TAOK1: variants seen among roughly 807,000 people sequenced by gnomAD.
The protein encoded by TAOK1 is TAO kinase 1, also known as serine/threonine-protein kinase TAO1.
A neutral mutation model predicts 138.3 loss-of-function variants in TAOK1; 21 were observed. The ratio of observed to expected loss-of-function variants is 0.15; its 90% CI spans 0.11 to 0.22. The LOEUF is 0.22. TAOK1 is among the 10% of genes least tolerant of loss of function. The pLI, the probability that TAOK1 is intolerant of heterozygous loss-of-function variation, is 1.00. For missense variants in TAOK1, 651 were observed against 1,227.7 expected (o/e 0.53, Z 7.02); for synonymous variants, 361 against 398.4 (o/e 0.91, Z 1.12).
chr17:29,485,365 A>G (rs2031149431), intron 8 of TAOK1, among the ~76,000 whole-genome samples: 2 of 152,234 alleles, frequency 1.3e-5, no homozygotes, highest in South Asian at 2.1e-4. Flanking sequence ...AGCTGGATAC[A>G]GTGGCTTACA....
chr17:29,495,535 A>T, intron 10 of TAOK1, 25 bp from the exon 11 acceptor site: 1 of 1,521,588 alleles, frequency 6.6e-7, no homozygotes, highest in Non-Finnish European at 8.8e-7. Flanking sequence ...AAAAAAATCA[A>T]CCTTTTACCT....
At chr17:29,477,378 T>C (rs1255559740) in intron 4 of TAOK1, among the ~76,000 whole-genome samples, 1 of 151,890 alleles carries the variant, frequency 6.6e-6, no homozygotes, top group African/African-American at 2.4e-5. Context: ...ATACACAGCT[T>C]ATAGAAGTGA....
chr17:29,443,041 G>T (rs1387136906), intron 1 of TAOK1, among the ~76,000 whole-genome samples: 1 of 152,126 alleles, frequency 6.6e-6, no homozygotes, highest in African/African-American at 2.4e-5. Flanking sequence ...GGATATAGTA[G>T]ATAGTATAAT....
At chr17:29,434,460 G>A (rs1905961656) in intron 1 of TAOK1, among the ~76,000 whole-genome samples, 1 of 152,100 alleles carries the variant, frequency 6.6e-6, no homozygotes, top group South Asian at 2.1e-4. Flanking sequence ...TATTTTCCTA[G>A]CATATACTCA....
intron 2 of TAOK1, among the ~76,000 whole-genome samples, chr17:29,456,077 G>A (rs1289875924): frequency 6.6e-6 from 1 of 150,424 alleles, no homozygotes. Context: ...GCCGGGCGCG[G>A]TGGCTCATGC....
At chr17:29,447,312 T>G (rs1267845850) in intron 1 of TAOK1, among the ~76,000 whole-genome samples, 1 of 152,250 alleles carries the variant, frequency 6.6e-6, no homozygotes, top group East Asian at 1.9e-4. Context: ...TTAACTCTTA[T>G]GTAAGTTTCA....
At chr17:29,502,564 T>A in intron 12 of TAOK1, 25 bp from the exon 13 acceptor site, 1 of 1,594,212 alleles carries the variant, frequency 6.3e-7, no homozygotes, top group Non-Finnish European at 8.5e-7. Context: ...CCTTACATAA[T>A]ATTGTCTTTT....
intron 1 of TAOK1, among the ~76,000 whole-genome samples, chr17:29,414,503 G>A (rs572156567): frequency 1.3e-5 from 2 of 152,130 alleles, no homozygotes; most frequent in East Asian, 3.9e-4. Context: ...ACCCGCCTTG[G>A]CCTCCCAAAG....
At chr17:29,424,525 A>G (rs1211427375) in intron 1 of TAOK1, among the ~76,000 whole-genome samples, 4 of 151,752 alleles carry the variant, frequency 2.6e-5, no homozygotes, top group Admixed American at 2.6e-4. Flanking sequence ...AAATAGGAAG[A>G]CTCATCCACT....
At chr17:29,455,326 C>T (rs2030347772) in intron 2 of TAOK1, among the ~76,000 whole-genome samples, 1 of 150,666 alleles carries the variant, frequency 6.6e-6, no homozygotes, top group Non-Finnish European at 1.5e-5. Context: ...GTATCTTCAT[C>T]TTGTACCCTA....
intron 1 of TAOK1, among the ~76,000 whole-genome samples, chr17:29,427,527 CAAA>C (rs1255682171): frequency 1.2e-4 from 8 of 64,162 alleles, no homozygotes; most frequent in Admixed American, 3.3e-4. Context: ...AACTCCGTCT[CAAA>C]AAAAAAAAAA....
At chr17:29,540,204 TA>T (rs1474057895) in intron 19 of TAOK1, among the ~76,000 whole-genome samples, 5 of 152,222 alleles carry the variant, frequency 3.3e-5, no homozygotes, top group African/African-American at 1.2e-4. Flanking sequence ...AGGCATTTTT[TA>T]TGAAGGTTGA....
chr17:29,452,614 T>TA (rs2030267357), intron 2 of TAOK1, among the ~76,000 whole-genome samples: 1 of 152,222 alleles, frequency 6.6e-6, no homozygotes, highest in Non-Finnish European at 1.5e-5. Context: ...AGAAACTCTA[T>TA]ATCCACTGAC....
chr17:29,479,430 T>C (rs907403657), intron 6 of TAOK1, among the ~76,000 whole-genome samples: 1 of 151,836 alleles, frequency 6.6e-6, no homozygotes, highest in Non-Finnish European at 1.5e-5. Flanking sequence ...AGCTAGTAAA[T>C]AAGTGAGTTT....
chr17:29,520,855 C>G (rs1450091617), intron 16 of TAOK1, among the ~76,000 whole-genome samples: 1 of 151,696 alleles, frequency 6.6e-6, no homozygotes, highest in Non-Finnish European at 1.5e-5. Context: ...GAAAACCCAT[C>G]TATACTAAAG....
At chr17:29,501,221 TAA>T (rs66503222) in intron 12 of TAOK1, among the ~76,000 whole-genome samples, 27,683 of 120,298 alleles carry the variant, frequency 0.23, 3,218 homozygotes, top group Non-Finnish European at 0.28. Context: ...CCCATCTGTT[TAA>T]AAAAAAAAAA....
intron 2 of TAOK1, among the ~76,000 whole-genome samples, chr17:29,461,750 A>T (rs928027648): frequency 6.8e-6 from 1 of 147,256 alleles, no homozygotes; most frequent in Non-Finnish European, 1.5e-5. Context: ...AGAGAGCGAA[A>T]TTTTTTTTTT....
chr17:29,490,204 G>C (rs1213669497), intron 9 of TAOK1, among the ~76,000 whole-genome samples: 1 of 151,860 alleles, frequency 6.6e-6, no homozygotes, highest in East Asian at 1.9e-4. Flanking sequence ...AAAATTACCA[G>C]GTAATTAAAA....
intron 3 of TAOK1, among the ~76,000 whole-genome samples, chr17:29,469,098 T>A (rs928419846): frequency 1.3e-5 from 2 of 152,112 alleles, no homozygotes; most frequent in African/African-American, 4.8e-5. Context: ...AATCTGCAAT[T>A]CTGCCTGGCA....
Sources: allele counts gnomAD v4.1 joint callset (sites outside exome capture counted in the v4.1 genomes callset), GRCh38; gene constraint gnomAD v4.1.1; transcripts MANE v1.5; gene names NCBI Gene and HGNC (gene_info 2026-07-23, HGNC 2026-07-21).